The following MROH2A variants were observed in gnomAD, a reference collection of about 807,000 sequenced individuals.
MROH2A encodes the protein maestro heat-like repeat-containing protein family member 2A.
A neutral mutation model predicts 200.4 loss-of-function variants in MROH2A; 174 were observed. The ratio of observed to expected loss-of-function variants is 0.87; its 90% CI spans 0.77 to 0.98. The LOEUF (loss-of-function observed/expected upper bound fraction) is 0.98. Among genes scored for constraint, MROH2A ranks in the 50% least tolerant of loss-of-function variants. The pLI, the probability that MROH2A is intolerant of heterozygous loss-of-function variation, is 0.00. For missense variants in MROH2A, 2,045 were observed against 2,139.6 expected, an observed-to-expected ratio of 0.96 and a Z score of 0.87; for synonymous variants, 829 against 840.4, an observed-to-expected ratio of 0.99 and a Z score of 0.23.
chr2:233,789,365 A>T, intron 3 of MROH2A, 132 bp from the exon 4 acceptor site: 1 of 930,250 alleles, frequency 1.1e-6, no homozygotes, highest in South Asian at 4.2e-5. Flanking sequence ...GAAATGGAGG[A>T]ATGGGGATCT....
At chr2:233,813,580 G>A in intron 24 of MROH2A, 90 bp from the exon 25 acceptor site, 1 of 743,632 alleles carries the variant, frequency 1.3e-6, no homozygotes. Context: ...CCTCTTCTAG[G>A]ATGTGTTTCC....
rs867619926 is a variant in MROH2A at position 233,793,810 on chromosome 2, C to T, written c.808C>T (p.His270Tyr). The change falls in exon 7 of 42, where the codon CAC (histidine) becomes TAC (tyrosine). Residue 270 changes from histidine to tyrosine, a missense_variant. His to Tyr is a moderately conservative substitution (Grantham distance 83, BLOSUM62 2). This residue lies in a region of MROH2A where 831 missense variants were observed against 800.0 expected (regional missense o/e 1.04). Coordinates refer to ENST00000389758, the MANE Select transcript of MROH2A (RefSeq NM_001394639.1). ...YRYFVTVWLR[H>Y]YNPEVKLGVI... ...CTACTTCGTGACAGTGTGGCTGAGG[C>T]ACTACAACCCCGAGGTGAGATGCAC... 4 of 1,446,196 alleles carry T rather than the reference C, an allele frequency of 2.8e-6. No homozygotes were observed. The African/African-American group carries it at 4.4e-5, about 16-fold the overall frequency. 89.6% of individuals were successfully genotyped at this position (1,446,196 alleles called of 1,614,324 possible). A position where few individuals can be genotyped will look rare whatever the true frequency, so the allele number is the denominator to read the frequency against.
chr2:233,795,830 A>G, intron 9 of MROH2A, 85 bp downstream of exon 9: 1 of 1,548,052 alleles, frequency 6.5e-7, no homozygotes, highest in East Asian at 2.4e-5. Flanking sequence ...CTGGCCCACA[A>G]CTCACTCGCG....
At chr2:233,810,733 T>G in intron 22 of MROH2A, 61 bp from the exon 23 acceptor site, 1 of 1,535,012 alleles carries the variant, frequency 6.5e-7, no homozygotes, top group Non-Finnish European at 8.8e-7. Flanking sequence ...AAGCTGCAGC[T>G]TGGATTCTTC....
Position 233,829,016 on chromosome 2 carries a change from G to A in MROH2A, c.4390G>A (p.Asp1464Asn). 1.3e-6 allele frequency: 2 copies of A among 1,550,162 alleles called. No homozygotes were observed. Among genetic ancestry groups the A allele is most frequent in the Non-Finnish European group, 1.7e-6 (2 of 1,146,806 alleles). ...TKILAELREG[D>N]VGSSFDAMSE... Reference sequence around the variant, plus strand: ...GATCCTGGCTGAGCTCCGGGAAGGGGATGTGGGGTCCTCTTTCGACGCCAT... The same window carrying A: ...GATCCTGGCTGAGCTCCGGGAAGGGAATGTGGGGTCCTCTTTCGACGCCAT... Residue 1464 changes from aspartate to asparagine, a missense_variant, in exon 37 of 42, where the codon GAT becomes AAT. Around this residue, in one of 3 missense-constraint regions of MROH2A, gnomAD observed 1,201 missense variants for 1,311.3 expected, o/e 0.92. Coordinates refer to ENST00000389758, the MANE Select transcript of MROH2A (RefSeq NM_001394639.1).
At chr2:233,817,526 A>T (rs191043078) in intron 27 of MROH2A, among the ~76,000 whole-genome samples, 1 of 152,326 alleles carries the variant, frequency 6.6e-6, no homozygotes, top group Non-Finnish European at 1.5e-5. Context: ...TCCAACACTC[A>T]GTAACATGTG....
chr2:233,799,807 G>T lies in MROH2A; in HGVS notation c.1357G>T (p.Gly453Trp). The change falls in exon 13 of 42, where the codon GGG (glycine) becomes TGG (tryptophan). Residue 453 changes from glycine to tryptophan, a missense_variant. Coordinates refer to ENST00000389758, the MANE Select transcript of MROH2A (RefSeq NM_001394639.1). ...GAGGATGGCTATTCTCCACATCATT[G>T]GGCAGTTGGCTCTCTGTGGCTACCA... The part of the protein sequence containing the change: ...KVRMAILHII[G>W]QLALCGYQER... 6.4e-7 allele frequency: 1 copy of T among 1,550,452 alleles called. No homozygotes were observed. The highest frequency in any genetic ancestry group is 8.7e-7 in the Non-Finnish European group (1 of 1,146,960).
Position 233,822,354 on chromosome 2 carries a change from T to C in MROH2A, c.3673-9T>C. 6.5e-7 allele frequency: 1 copy of C among 1,549,844 alleles called. No individual in the cohort carries two copies. The highest frequency in any genetic ancestry group is 1.4e-5 in the African/African-American group (1 of 73,112). Reference sequence around the variant, plus strand: ...TAGGAGCCCGATGCCCTGGACCTTCTCTCTGCAGACCCTGTGCACCATCCA... The same window carrying C: ...TAGGAGCCCGATGCCCTGGACCTTCCCTCTGCAGACCCTGTGCACCATCCA... On this transcript the variant is annotated splice_polypyrimidine_tract_variant and intron_variant, in intron 32 of 41. Coordinates refer to ENST00000389758, the MANE Select transcript of MROH2A (RefSeq NM_001394639.1).
chr2:233,809,336 C>T, intron 22 of MROH2A, 58 bp downstream of exon 22: 1 of 1,516,168 alleles, frequency 6.6e-7, no homozygotes, highest in Non-Finnish European at 8.9e-7. Context: ...GGGTAGTAGC[C>T]TTCTGGCACT....
At position 233,794,505 on chromosome 2, in the gene MROH2A, AGGCGAGT is replaced by A; in HGVS notation, c.966+3_966+9del. ...AGTCTGGAGGTGCTCTTCGTCACGC[AGGCGAGT>A]GGCCAGGCAGCCACGGCTCTGGGCA... On this transcript the variant is annotated splice_donor_variant and splice_donor_5th_base_variant and coding_sequence_variant and intron_variant, in exon 8 of 42. Transcript: ENST00000389758. LOFTEE classifies it high-confidence loss of function. 1 of 1,501,424 alleles carries A rather than the reference AGGCGAGT, an allele frequency of 6.7e-7. No individual in the cohort carries two copies. The highest frequency in any genetic ancestry group is 1.2e-5 in the South Asian group (1 of 83,086). The allele number at this position is 1,501,424 out of a possible 1,614,324, so 93.0% of individuals were successfully genotyped here.
intron 40 of MROH2A, 113 bp from the exon 41 acceptor site, chr2:233,832,466 C>A: frequency 1.9e-6 from 2 of 1,034,658 alleles, no homozygotes; most frequent in Non-Finnish European, 2.9e-6. Flanking sequence ...CCAACGTGGG[C>A]TCAACAAAAT....
At chr2:233,811,999 G>C in intron 24 of MROH2A, 40 bp downstream of exon 24, 1 of 1,393,826 alleles carries the variant, frequency 7.2e-7, no homozygotes, top group Non-Finnish European at 9.9e-7. Context: ...CCAAGGGGTA[G>C]GGAAAAGTTC....
Position 233,800,269 on chromosome 2 carries a change from T to A in MROH2A, c.1514T>A (p.Met505Lys). 6.5e-7 allele frequency: 1 copy of A among 1,550,274 alleles called. No individual in the cohort carries two copies. Among genetic ancestry groups the A allele is most frequent in the Non-Finnish European group, 8.7e-7 (1 of 1,146,842 alleles). Residue 505 changes from methionine (M) to lysine (K), a missense_variant, in exon 14 of 42, where the codon ATG (methionine) becomes AAG (lysine). Met to Lys is a moderately conservative substitution (Grantham distance 95). Transcript: ENST00000389758. ...LEERMVHKVT[M>K]DTVKIITSSV... ...GAGAGGATGGTCCACAAAGTCACCA[T>A]GGACACTGTGAAGATCATTACCTCT... is the stretch of plus-strand genomic sequence containing the variant.
Position 233,829,073 on chromosome 2 carries a change from G to T in MROH2A, c.4446+1G>T. ...GCAGTGCAGGATCTTCTTCGACAAC[G>T]TGAGTCCGATGAGAGCCTCCCTGAG... On this transcript the variant is annotated splice_donor_variant, in intron 37 of 41. Coordinates refer to ENST00000389758, the MANE Select transcript of MROH2A (RefSeq NM_001394639.1). LOFTEE classifies it high-confidence loss of function. The T allele has an allele frequency of 6.6e-7, 1 of 1,507,998 alleles. No homozygotes were observed. Among genetic ancestry groups the T allele is most frequent in the Non-Finnish European group, 8.9e-7 (1 of 1,123,926 alleles). The allele number at this position is 1,507,998 out of a possible 1,614,324, so 93.4% of individuals were successfully genotyped here. A position where few individuals can be genotyped will look rare whatever the true frequency, so the allele number is the denominator to read the frequency against.
chr2:233,792,414 G>A (rs1056107469), intron 5 of MROH2A, among the ~76,000 whole-genome samples: 3 of 151,318 alleles, frequency 2.0e-5, no homozygotes, highest in East Asian at 1.9e-4. Flanking sequence ...CCGGGTTCAC[G>A]CCATTCTCCT....
rs370726567 is a variant in MROH2A, at chr2:233,823,529, C to T, written c.4005-27C>T. 1.6e-3 allele frequency: 2,481 copies of T among 1,540,322 alleles called. 37 individuals are homozygous for T. Among genetic ancestry groups the T allele is most frequent in the South Asian group, 1.6e-3 (134 of 83,602 alleles). On this transcript the variant is annotated intron_variant, in intron 34 of 41. Transcript: ENST00000389758. ...TCAGGCAGGGGTGGGGCCGCCTCCA[C>T]GACCTGGCACTGTCTCTCCTCTGCA...
Position 233,809,162 on chromosome 2 carries a change from GC to G in MROH2A, c.2335del (p.Leu779SerfsTer3). 1 of 1,550,436 alleles carries G rather than the reference GC, an allele frequency of 6.4e-7. No homozygotes were observed. Among genetic ancestry groups the G allele is most frequent in the Non-Finnish European group, 8.7e-7 (1 of 1,146,906 alleles). On this transcript the variant is annotated frameshift_variant, in exon 22 of 42. Coordinates refer to ENST00000389758, the MANE Select transcript of MROH2A (RefSeq NM_001394639.1). LOFTEE classifies it high-confidence loss of function. ...HPWRRETVKS[A>X]LMVMYSCVAS... ...CTGGAGGCGGGAGACAGTGAAAAGT[GC>G]CCTCATGGTGATGTATAGCTGCGTG...
At chr2:233,832,520 A>G in intron 40 of MROH2A, 59 bp from the exon 41 acceptor site, 1 of 1,305,476 alleles carries the variant, frequency 7.7e-7, no homozygotes, top group Non-Finnish European at 1.1e-6. Context: ...AAACCACAGG[A>G]CGACTTGCCT....
intron 7 of MROH2A, 145 bp downstream of exon 7, chr2:233,793,969 G>A (rs967598237): frequency 2.6e-5 from 21 of 818,562 alleles, no homozygotes; most frequent in Admixed American, 7.4e-5. Flanking sequence ...TGGCAGAGCC[G>A]GGGAACTCAT....
Sources: allele counts gnomAD v4.1 joint callset (sites outside exome capture counted in the v4.1 genomes callset), GRCh38; gene constraint gnomAD v4.1.1; regional missense constraint gnomAD v4.1.1; transcripts MANE v1.5; gene names NCBI Gene and HGNC (gene_info 2026-07-23, HGNC 2026-07-21).